The following GLRA3 variants were observed in gnomAD, a reference collection of about 807,000 sequenced individuals.
The protein encoded by GLRA3 is glycine receptor subunit alpha-3.
GLRA3 carries 44 observed loss-of-function variants against 60.4 expected under a neutral mutation model. The ratio of observed to expected loss-of-function variants is 0.73; its 90% CI spans 0.57 to 0.94. The LOEUF (loss-of-function observed/expected upper bound fraction) is 0.94, where lower values mean the gene tolerates loss of function less well. Ranked by LOEUF, GLRA3 falls within the 40% of genes least tolerant of loss-of-function variation. The probability of loss-of-function intolerance (pLI) is 0.00; values close to 1 mark genes in which losing one functional copy is unlikely to be tolerated. For synonymous variants in GLRA3, 223 were observed against 192.9 expected (o/e 1.16, Z -1.29); for missense variants, 508 against 564.6 (o/e 0.90, Z 1.02).
chr4:174,683,676 A>C (rs1349222672), intron 5 of GLRA3, among the ~76,000 whole-genome samples: 1 of 152,186 alleles, frequency 6.6e-6, no homozygotes, highest in African/African-American at 2.4e-5. Context: ...TTAGTGTAAG[A>C]ATAAATGTCA....
chr4:174,677,023 T>C, intron 7 of GLRA3, 55 bp downstream of exon 7: 3 of 1,076,426 alleles, frequency 2.8e-6, no homozygotes, highest in Non-Finnish European at 2.9e-6. Context: ...ATGATATCTT[T>C]GCAAGATTTA....
chr4:174,691,443 A>G (rs374173371), intron 5 of GLRA3, among the ~76,000 whole-genome samples: 1 of 152,002 alleles, frequency 6.6e-6, no homozygotes, highest in Non-Finnish European at 1.5e-5. Context: ...ATGCCCAGCC[A>G]AAGCTGGACT....
intron 5 of GLRA3, among the ~76,000 whole-genome samples, chr4:174,687,700 C>A (rs1734597900): frequency 6.6e-6 from 1 of 152,032 alleles, no homozygotes; most frequent in Non-Finnish European, 1.5e-5. Flanking sequence ...CATAGCTTCC[C>A]AATACTTAAG....
At chr4:174,791,020 T>G (rs1231832648) in intron 1 of GLRA3, among the ~76,000 whole-genome samples, 1 of 133,748 alleles carries the variant, frequency 7.5e-6, no homozygotes, top group African/African-American at 2.9e-5. Context: ...AAAAAAAAAA[T>G]ACTAGATGAC....
chr4:174,652,133 A>T (rs144639419), intron 9 of GLRA3, among the ~76,000 whole-genome samples: 1 of 151,974 alleles, frequency 6.6e-6, no homozygotes, highest in East Asian at 1.9e-4. Flanking sequence ...TTTATTACTA[A>T]TTTTTCTGCT....
At chr4:174,790,484 A>G (rs971370411) in intron 1 of GLRA3, among the ~76,000 whole-genome samples, 1 of 151,382 alleles carries the variant, frequency 6.6e-6, no homozygotes, top group African/African-American at 2.4e-5. Context: ...ATTTGTTTAT[A>G]TTCCATGGTT....
chr4:174,650,772 C>A (rs1732996925), intron 9 of GLRA3, among the ~76,000 whole-genome samples: 2 of 152,192 alleles, frequency 1.3e-5, no homozygotes, highest in South Asian at 4.1e-4. Flanking sequence ...CAATGATGGA[C>A]CCTGCAGCTG....
intron 2 of GLRA3, among the ~76,000 whole-genome samples, chr4:174,767,315 T>A (rs1261825914): frequency 6.6e-6 from 1 of 152,098 alleles, no homozygotes. Context: ...ATGCTGTAAG[T>A]CCAGTTTCTA....
At chr4:174,807,817 C>T (rs970043725) in intron 1 of GLRA3, among the ~76,000 whole-genome samples, 3 of 152,056 alleles carry the variant, frequency 2.0e-5, no homozygotes, top group African/African-American at 7.2e-5. Flanking sequence ...TCAGAAGTAA[C>T]TAAGCAGCCA....
At chr4:174,760,145 C>A (rs187238013) in intron 3 of GLRA3, among the ~76,000 whole-genome samples, 218 of 152,150 alleles carry the variant, frequency 1.4e-3, no homozygotes, top group Non-Finnish European at 2.6e-3. Flanking sequence ...TAAAAACAAG[C>A]AACCTTAAAT....
chr4:174,689,417 C>A (rs1435597509), intron 5 of GLRA3, among the ~76,000 whole-genome samples: 3 of 152,126 alleles, frequency 2.0e-5, no homozygotes, highest in African/African-American at 7.2e-5. Context: ...CCTCTGAAGC[C>A]TGACTTCTTT....
At chr4:174,697,562 T>G (rs2111035250) in intron 5 of GLRA3, among the ~76,000 whole-genome samples, 2 of 152,368 alleles carry the variant, frequency 1.3e-5, no homozygotes, top group Middle Eastern at 3.4e-3. Context: ...TGGTTTCATT[T>G]AAATTATTGG....
intron 3 of GLRA3, among the ~76,000 whole-genome samples, chr4:174,766,563 AG>A (rs1332954383): frequency 6.6e-6 from 1 of 152,118 alleles, no homozygotes; most frequent in African/African-American, 2.4e-5. Context: ...CATTTGAAAA[AG>A]TAATCGAATT....
chr4:174,679,930 A>G (rs2110964910), intron 6 of GLRA3, among the ~76,000 whole-genome samples: 1 of 152,278 alleles, frequency 6.6e-6, no homozygotes, highest in South Asian at 2.1e-4. Flanking sequence ...CTAGTGTTCA[A>G]TAGCATAATG....
chr4:174,763,092 A>G (rs1475167570), intron 3 of GLRA3, among the ~76,000 whole-genome samples: 1 of 152,110 alleles, frequency 6.6e-6, no homozygotes, highest in African/African-American at 2.4e-5. Flanking sequence ...CATTGTCTCA[A>G]TTGTGAAAAT....
intron 5 of GLRA3, among the ~76,000 whole-genome samples, chr4:174,684,872 G>T (rs1327749642): frequency 6.6e-6 from 1 of 152,112 alleles, no homozygotes; most frequent in Non-Finnish European, 1.5e-5. Context: ...AGCCGGGCGT[G>T]GTGGTGGGCA....
intron 3 of GLRA3, among the ~76,000 whole-genome samples, chr4:174,740,250 T>C (rs1736964829): frequency 6.6e-6 from 1 of 152,134 alleles, no homozygotes; most frequent in South Asian, 2.1e-4. Context: ...CTGTGTCAGA[T>C]TAAAGATGTC....
At chr4:174,706,041 AAC>A (rs1297266232) in intron 5 of GLRA3, among the ~76,000 whole-genome samples, 9 of 152,202 alleles carry the variant, frequency 5.9e-5, no homozygotes, top group Admixed American at 5.9e-4. Context: ...CATCCTGTGT[AAC>A]ATGGTGAAAC....
rs1734225558 is a variant in GLRA3 at position 174,678,745 on chromosome 4, A to G, written c.713-1453T>C. ...TTTATCAAATATATACAAAATGCCT[A>G]AAGATTCCTGAAATATATGAAAATA... On this transcript the variant is annotated intron_variant, in intron 6 of 9. Coordinates refer to ENST00000274093, the MANE Select transcript of GLRA3 (RefSeq NM_006529.4). Among the ~76,000 whole-genome samples, 5 of 152,236 alleles carry G rather than the reference A, an allele frequency of 3.3e-5. No homozygotes were observed. The South Asian group carries it at 1.0e-3, about 31-fold the overall frequency.
Sources: gnomAD v4.1 joint callset for allele counts (sites outside exome capture counted in the v4.1 genomes callset) on GRCh38, gnomAD v4.1.1 for gene constraint, MANE v1.5 for transcripts, NCBI Gene and HGNC (gene_info 2026-07-23, HGNC 2026-07-21) for gene names.